The following MACROD2 variants were observed in gnomAD, a reference collection of about 807,000 sequenced individuals.
The protein encoded by MACROD2 is mono-ADP ribosylhydrolase 2.
MACROD2 carries 36 observed loss-of-function variants against 70.4 expected under a neutral mutation model. The ratio of observed to expected loss-of-function variants is 0.51; its 90% CI spans 0.39 to 0.68. The LOEUF is 0.68. Among genes scored for constraint, MACROD2 ranks in the 30% least tolerant of loss-of-function variants. The pLI is 0.00. For synonymous variants in MACROD2, 172 were observed against 178.8 expected, an observed-to-expected ratio of 0.96 and a Z score of 0.30; for missense variants, 496 against 538.4, an observed-to-expected ratio of 0.92 and a Z score of 0.78.
intron 4 of MACROD2, among the ~76,000 whole-genome samples, chr20:14,611,539 A>G (rs1021602953): frequency 3.3e-5 from 5 of 151,168 alleles, no homozygotes; most frequent in Admixed American, 1.3e-4. Flanking sequence ...ACATAATTCA[A>G]AACAAAGATT....
intron 3 of MACROD2, among the ~76,000 whole-genome samples, chr20:14,104,254 A>G (rs2054339404): frequency 6.6e-6 from 1 of 152,184 alleles, no homozygotes; most frequent in Admixed American, 6.5e-5. Flanking sequence ...CTTCTGTAAT[A>G]GAAAGCAGGA....
chr20:14,037,632 T>C (rs1239617211), intron 2 of MACROD2, among the ~76,000 whole-genome samples: 1 of 128,750 alleles, frequency 7.8e-6, no homozygotes, highest in East Asian at 2.2e-4. Flanking sequence ...ACGCCAACTG[T>C]GTGTGTGTTG....
chr20:15,607,025 G>A (rs1267055711), intron 8 of MACROD2, among the ~76,000 whole-genome samples: 1 of 151,582 alleles, frequency 6.6e-6, no homozygotes, highest in African/African-American at 2.4e-5. Flanking sequence ...AAAAAAATTG[G>A]GAAACTAAGA....
chr20:15,838,853 G>A (rs2064141526), intron 8 of MACROD2, among the ~76,000 whole-genome samples: 1 of 149,270 alleles, frequency 6.7e-6, no homozygotes, highest in Non-Finnish European at 1.5e-5. Flanking sequence ...TTTGATAAAA[G>A]CATTTATAAA....
intron 6 of MACROD2, among the ~76,000 whole-genome samples, chr20:15,422,647 T>G (rs919422658): frequency 8.5e-5 from 13 of 152,308 alleles, no homozygotes; most frequent in African/African-American, 9.6e-5. Flanking sequence ...ACAACAATTA[T>G]TGCTGCAGTG....
At chr20:15,780,280 T>G (rs1412094424) in intron 8 of MACROD2, among the ~76,000 whole-genome samples, 1 of 152,158 alleles carries the variant, frequency 6.6e-6, no homozygotes, top group African/African-American at 2.4e-5. Flanking sequence ...GAGAACAGCC[T>G]TGCCACATGA....
At chr20:14,996,211 G>A (rs2074948067) in intron 5 of MACROD2, among the ~76,000 whole-genome samples, 2 of 152,084 alleles carry the variant, frequency 1.3e-5, no homozygotes, top group African/African-American at 4.8e-5. Flanking sequence ...GGGTCTCACG[G>A]GCCAGTGTGC....
Position 14,819,118 on chromosome 20 carries a change from T to A in MACROD2, c.418+134159T>A, listed in dbSNP as rs1008899139. Among the ~76,000 whole-genome samples the A allele has an allele frequency of 6.6e-5, 10 of 151,458 alleles. No homozygotes were observed. The East Asian group carries it at 1.6e-3, about 24-fold the overall frequency. On this transcript the variant is annotated intron_variant, in intron 5 of 17. Transcript: ENST00000684519. ...CATTTCTACTAAAAATACAGAAAAA[T>A]TGCTGGGTGTGGTGGCAGGCATCTG... is the stretch of plus-strand genomic sequence containing the variant.
At chr20:14,064,709 A>G (rs1304083745) in intron 2 of MACROD2, among the ~76,000 whole-genome samples, 3 of 152,114 alleles carry the variant, frequency 2.0e-5, no homozygotes, top group African/African-American at 4.8e-5. Context: ...TTTCAATCCT[A>G]CTTATTGGTT....
At chr20:14,668,535 C>T (rs1417560507) in intron 4 of MACROD2, among the ~76,000 whole-genome samples, 7 of 152,106 alleles carry the variant, frequency 4.6e-5, no homozygotes, top group African/African-American at 1.7e-4. Context: ...GATTGGGATC[C>T]TCCCATAGGT....
At chr20:15,229,056 A>C (rs969473366) in intron 5 of MACROD2, among the ~76,000 whole-genome samples, 40 of 152,306 alleles carry the variant, frequency 2.6e-4, no homozygotes, top group African/African-American at 8.4e-4. Flanking sequence ...CTGGGAAGCA[A>C]GACTTACAAG....
chr20:14,018,868 A>G (rs6110132), intron 2 of MACROD2, among the ~76,000 whole-genome samples: 7 of 152,074 alleles, frequency 4.6e-5, no homozygotes, highest in Admixed American at 3.3e-4. Context: ...GCTTTATTGC[A>G]AGGTTGACTA....
chr20:15,858,641 C>T (rs1393790998), intron 8 of MACROD2, among the ~76,000 whole-genome samples: 1 of 152,154 alleles, frequency 6.6e-6, no homozygotes, highest in Non-Finnish European at 1.5e-5. Context: ...GACCTGTTTC[C>T]CGCTGGTGTG....
At chr20:16,023,631 C>T (rs914023327) in intron 15 of MACROD2, among the ~76,000 whole-genome samples, 6 of 151,834 alleles carry the variant, frequency 4.0e-5, no homozygotes, top group African/African-American at 1.5e-4. Flanking sequence ...TGGAAGGCAC[C>T]CATTGAAGTA....
At chr20:14,984,768 G>A (rs573222310) in intron 5 of MACROD2, among the ~76,000 whole-genome samples, 3 of 152,240 alleles carry the variant, frequency 2.0e-5, no homozygotes, top group African/African-American at 7.2e-5. Context: ...AGATCTGTGG[G>A]GACTGTGTTG....
intron 3 of MACROD2, among the ~76,000 whole-genome samples, chr20:14,233,698 C>CAAAAAAAAAAAAAAAAAAA (rs1261096475): frequency 1.1e-4 from 3 of 27,464 alleles, no homozygotes; most frequent in East Asian, 1.0e-3. Context: ...CTCCGTCTCA[C>CAAAAAAAAAAAAAAAAAAA]AAAAAAAAAA....
chr20:15,734,901 G>A (rs886961817), intron 8 of MACROD2, among the ~76,000 whole-genome samples: 3 of 152,070 alleles, frequency 2.0e-5, no homozygotes, highest in Admixed American at 6.5e-5. Flanking sequence ...TAACTATCTT[G>A]AATTGTAACA....
chr20:15,599,831 A>G (rs968364004), intron 8 of MACROD2, among the ~76,000 whole-genome samples: 3 of 152,192 alleles, frequency 2.0e-5, no homozygotes. Flanking sequence ...CATGGCTATT[A>G]GAACCACCAC....
intron 5 of MACROD2, among the ~76,000 whole-genome samples, chr20:14,989,624 C>T (rs1307193052): frequency 6.6e-6 from 1 of 152,122 alleles, no homozygotes; most frequent in Non-Finnish European, 1.5e-5. Flanking sequence ...TTTCTTGGAA[C>T]TCTGGTACCA....
Sources: allele counts gnomAD v4.1 joint callset (sites outside exome capture counted in the v4.1 genomes callset), GRCh38; gene constraint gnomAD v4.1.1; transcripts MANE v1.5; gene names NCBI Gene and HGNC (gene_info 2026-07-23, HGNC 2026-07-21).